HPGD: variants seen among roughly 807,000 people sequenced by gnomAD.
HPGD encodes 15-hydroxyprostaglandin dehydrogenase, also known as 15-hydroxyprostaglandin dehydrogenase [NAD(+)].
In HPGD, 29 loss-of-function variants were observed where a neutral mutation model predicts 30.0. The ratio of observed to expected loss-of-function variants is 0.97; its 90% CI spans 0.72 to 1.32. The LOEUF is 1.32. HPGD is among the 40% of genes most tolerant of loss of function. HPGD has a pLI of 0.00. For synonymous variants in HPGD, 99 were observed against 112.4 expected, an observed-to-expected ratio of 0.88 and a Z score of 0.75; for missense variants, 340 against 322.1, an observed-to-expected ratio of 1.06 and a Z score of -0.43.
At chr4:174,516,064 A>G (rs978789480) in intron 3 of HPGD, among the ~76,000 whole-genome samples, 1 of 152,208 alleles carries the variant, frequency 6.6e-6, no homozygotes, top group Non-Finnish European at 1.5e-5. Context: ...CTAGTCAGAC[A>G]CCATGGAAAG....
intron 3 of HPGD, among the ~76,000 whole-genome samples, chr4:174,510,199 C>T (rs903138961): frequency 2.8e-4 from 42 of 152,098 alleles, no homozygotes; most frequent in African/African-American, 8.7e-4. Context: ...AGATATACTT[C>T]TCCTACCTAA....
intron 3 of HPGD, among the ~76,000 whole-genome samples, chr4:174,517,307 TTTCAGGATAAAAAGTCCTACTAATTACAA>T (rs774167230): frequency 7.6e-4 from 116 of 152,284 alleles, no homozygotes; most frequent in Non-Finnish European, 1.4e-3. Flanking sequence ...AACCACGAAC[TTTCAGGATAAAAAGTCCTACTAATTACAA>T]AGTTCGATTG....
intron 3 of HPGD, among the ~76,000 whole-genome samples, chr4:174,511,552 T>A (rs1735494690): frequency 6.6e-6 from 1 of 152,246 alleles, no homozygotes; most frequent in Admixed American, 6.5e-5. Context: ...ACCATTCCAA[T>A]CAATATTCAA....
chr4:174,517,978 A>T lies in HPGD; in HGVS notation c.317T>A (p.Ile106Asn), dbSNP rs373121766. ...NEKNWEKTLQINLVSVISGTY... is the reference protein window; with the variant it reads ...NEKNWEKTLQNNLVSVISGTY... ...ATAGCTAAGATAACTCACCAAATTA[A>T]TTTGCAGAGTTTTTTCCCAGTTTTT... Residue 106 changes from isoleucine to asparagine, a missense_variant, in exon 3 of 7, where the codon ATT becomes AAT. Ile to Asn is a moderately radical substitution (Grantham distance 149). Coordinates refer to ENST00000296522, the MANE Select transcript of HPGD (RefSeq NM_000860.6). 9 of 1,519,510 alleles carry T rather than the reference A, an allele frequency of 5.9e-6. No individual in the cohort carries two copies. The East Asian group carries it at 2.0e-4, about 34-fold the overall frequency. The allele number at this position is 1,519,510 out of a possible 1,614,324, so 94.1% of individuals were successfully genotyped here. A position where few individuals can be genotyped will look rare whatever the true frequency, so the allele number is the denominator to read the frequency against.
chr4:174,522,462 C>T lies in HPGD; in HGVS notation c.-11G>A. ...GCCGTTCACGTGCATGGTGCAGCCA[C>T]TGCTGGGGCGGGCGGTGGGCGAGCT... is the stretch of plus-strand genomic sequence containing the variant. On this transcript the variant is annotated 5_prime_UTR_variant, in exon 1 of 7. In the 5' UTR this introduces an upstream ATG that the reference lacks. Transcript: ENST00000296522. 6.4e-7 allele frequency: 1 copy of T among 1,550,990 alleles called. No homozygotes were observed. Among genetic ancestry groups the T allele is most frequent in the Non-Finnish European group, 8.7e-7 (1 of 1,145,050 alleles).
chr4:174,499,972 C>T (rs975296710), intron 4 of HPGD, among the ~76,000 whole-genome samples: 5 of 151,994 alleles, frequency 3.3e-5, no homozygotes, highest in Non-Finnish European at 7.4e-5. Flanking sequence ...CACACACACA[C>T]ACACACACTC....
At chr4:174,520,855 C>T (rs982611256) in intron 2 of HPGD, among the ~76,000 whole-genome samples, 1 of 152,176 alleles carries the variant, frequency 6.6e-6, no homozygotes, top group African/African-American at 2.4e-5. Context: ...ATCTGTTCTG[C>T]TCATGCTTGT....
chr4:174,504,275 C>A (rs930909573), intron 4 of HPGD, among the ~76,000 whole-genome samples: 2 of 152,090 alleles, frequency 1.3e-5, no homozygotes. Flanking sequence ...ATAGCACAAG[C>A]AGATATGCCA....
chr4:174,499,109 A>G (rs1477271776), intron 4 of HPGD, among the ~76,000 whole-genome samples: 1 of 152,206 alleles, frequency 6.6e-6, no homozygotes, highest in African/African-American at 2.4e-5. Flanking sequence ...TGTGCTTCAA[A>G]TAAAAATTGT....
rs1169589358 is a variant in HPGD, at chr4:174,519,548, T to G, written c.218-1471A>C. ...CAAAAGTAGTGATACTTAAATGGCC[T>G]GTTCCTGCCTTAACTGATGACATTC... On this transcript the variant is annotated intron_variant, in intron 2 of 6. Coordinates refer to ENST00000296522, the MANE Select transcript of HPGD (RefSeq NM_000860.6). Among the ~76,000 whole-genome samples, 8 of 152,124 alleles carry G rather than the reference T, an allele frequency of 5.3e-5. No individual in the cohort carries two copies. The South Asian group carries it at 6.2e-4, about 12-fold the overall frequency.
In HPGD at chr4:174,508,745, C is replaced by T. The variant is rs1374618657; in HGVS notation, c.372G>A (p.Lys124=). 1.2e-6 allele frequency: 2 copies of T among 1,611,426 alleles called. No individual in the cohort carries two copies. The highest frequency in any genetic ancestry group is 2.2e-5 in the East Asian group (1 of 44,778). ...GTYLGLDYMS[K]QNGGEGGIII... ...TGATGCCGCCTTCACCTCCATTTTGCTTACTCATGTAATCCAAACCAAGAT... is the reference window on the plus strand; with the variant it reads ...TGATGCCGCCTTCACCTCCATTTTGTTTACTCATGTAATCCAAACCAAGAT... Residue 124 remains lysine (K), a synonymous_variant, in exon 4 of 7, where the codon AAG becomes AAA. Transcript: ENST00000296522.
At chr4:174,504,889 G>A (rs1735110530) in intron 4 of HPGD, among the ~76,000 whole-genome samples, 1 of 152,152 alleles carries the variant, frequency 6.6e-6, no homozygotes, top group Admixed American at 6.5e-5. Context: ...TTTTAATGGA[G>A]CATAGCTGTT....
Position 174,493,404 on chromosome 4 carries a change from T to C in HPGD, c.499-90A>G, listed in dbSNP as rs190329988. 27 of 1,277,996 alleles carry C rather than the reference T, an allele frequency of 2.1e-5. No individual in the cohort carries two copies. The African/African-American group carries it at 3.8e-4, about 18-fold the overall frequency. 79.2% of individuals were successfully genotyped at this position (1,277,996 alleles called of 1,614,324 possible). ...ATTAAAGCATCTTACAATTTTCTGA[T>C]GTAAAAAATACTAATTAGATATCCT... On this transcript the variant is annotated intron_variant, in intron 5 of 6. Coordinates refer to ENST00000296522, the MANE Select transcript of HPGD (RefSeq NM_000860.6).
chr4:174,517,946 A>G, intron 3 of HPGD, 25 bp downstream of exon 3: 1 of 1,178,752 alleles, frequency 8.5e-7, no homozygotes, highest in Admixed American at 1.7e-5. Context: ...AATTATAGAC[A>G]AGAAATATAG....
In HPGD at chr4:174,491,981, G is replaced by T. The variant is rs1418674453; in HGVS notation, c.776C>A (p.Thr259Asn). The change falls in exon 7 of 7, where the codon ACT (threonine) becomes AAT (asparagine). Residue 259 changes from threonine (T) to asparagine (N), a missense_variant. Transcript: ENST00000296522. ...TCATTGGGTTTTTGCTTGAAATGGA[G>T]TTGTATCATAGTCTTGAAAATGAAT... ...KGIHFQDYDT[T>N]PFQAKTQ 1 of 1,611,968 alleles carries T rather than the reference G, an allele frequency of 6.2e-7. No homozygotes were observed. Among genetic ancestry groups the T allele is most frequent in the South Asian group, 1.1e-5 (1 of 91,032 alleles).
chr4:174,500,009 A>C (rs1734827051), intron 4 of HPGD, among the ~76,000 whole-genome samples: 1 of 152,146 alleles, frequency 6.6e-6, no homozygotes, highest in South Asian at 2.1e-4. Context: ...TCTCAAGCCA[A>C]GACCTCTTAC....
chr4:174,500,989 T>C (rs1371774142), intron 4 of HPGD, among the ~76,000 whole-genome samples: 1 of 152,218 alleles, frequency 6.6e-6, no homozygotes, highest in African/African-American at 2.4e-5. Context: ...TGTCCTAACT[T>C]GGTTTGATTT....
chr4:174,516,602 G>C (rs1054910826), intron 3 of HPGD, among the ~76,000 whole-genome samples: 5 of 152,000 alleles, frequency 3.3e-5, no homozygotes, highest in Admixed American at 2.6e-4. Context: ...ATTTACTCAG[G>C]TAACAAATCT....
At chr4:174,504,997 T>C (rs568868925) in intron 4 of HPGD, among the ~76,000 whole-genome samples, 2 of 152,344 alleles carry the variant, frequency 1.3e-5, no homozygotes, top group East Asian at 1.9e-4. Flanking sequence ...TGTCTGTTTG[T>C]ATATTATGTT....
Sources: gnomAD v4.1 joint callset for allele counts (sites outside exome capture counted in the v4.1 genomes callset) on GRCh38, gnomAD v4.1.1 for gene constraint, MANE v1.5 for transcripts, NCBI Gene and HGNC (gene_info 2026-07-23, HGNC 2026-07-21) for gene names.